MAJIN: variants seen among roughly 807,000 people sequenced by gnomAD.
MAJIN encodes the protein membrane-anchored junction protein.
A neutral mutation model predicts 30.2 loss-of-function variants in MAJIN; 27 were observed. The observed-to-expected ratio is 0.89, with a 90% CI of 0.66 to 1.23. The LOEUF (loss-of-function observed/expected upper bound fraction) is 1.23, where lower values mean the gene tolerates loss of function less well. Ranked by LOEUF, MAJIN falls within the 50% of genes most tolerant of loss-of-function variation. The pLI is 0.00. For synonymous variants in MAJIN, 78 were observed against 91.6 expected, an observed-to-expected ratio of 0.85 and a Z score of 0.85; for missense variants, 253 against 260.3, an observed-to-expected ratio of 0.97 and a Z score of 0.19.
rs1168155018 is a variant in MAJIN, at chr11:64,942,348, T to C, written c.474-1702A>G. 2.0e-5 allele frequency among the ~76,000 whole-genome samples: 3 copies of C among 152,128 alleles called. No homozygotes were observed. In the South Asian group the frequency reaches 6.2e-4, roughly 32 times the overall value. ...TGGTTACATGAATGAGTTTTTTTAA[T>C]AGTGATTTCTGAGATTTTGGTGCAC... On this transcript the variant is annotated intron_variant, in intron 8 of 10. Coordinates refer to ENST00000301896, the MANE Select transcript of MAJIN (RefSeq NM_001037225.3).
intron 8 of MAJIN, among the ~76,000 whole-genome samples, chr11:64,942,942 G>C (rs1483276888): frequency 6.6e-6 from 1 of 152,206 alleles, no homozygotes; most frequent in Non-Finnish European, 1.5e-5. Context: ...CCCTGGGACA[G>C]AGGTACAGCC....
intron 8 of MAJIN, chr11:64,946,152 C>T (rs1183274722): frequency 1.3e-6 from 2 of 1,534,778 alleles, no homozygotes; most frequent in East Asian, 2.4e-5. Flanking sequence ...CCTATCTTGG[C>T]CCTGAGGTGG....
intron 1 of MAJIN, among the ~76,000 whole-genome samples, chr11:64,967,361 A>T (rs1406501602): frequency 1.3e-5 from 2 of 152,110 alleles, no homozygotes; most frequent in Non-Finnish European, 2.9e-5. Context: ...AGCCGAGATG[A>T]TACCATTGCA....
intron 8 of MAJIN, among the ~76,000 whole-genome samples, chr11:64,941,089 C>T (rs922163555): frequency 1.3e-5 from 2 of 151,992 alleles, no homozygotes. Flanking sequence ...CTGCCTGCCT[C>T]GGCCTCCCAA....
chr11:64,957,069 AT>A lies in MAJIN; in HGVS notation c.101+2235del, dbSNP rs796423142. 4.8e-3 allele frequency among the ~76,000 whole-genome samples: 699 copies of A among 146,400 alleles called. 4 individuals carry two copies. The highest frequency in any genetic ancestry group is 0.017 in the African/African-American group (666 of 40,090). On this transcript the variant is annotated intron_variant, in intron 3 of 10. Coordinates refer to ENST00000301896, the MANE Select transcript of MAJIN (RefSeq NM_001037225.3). ...GGCGTGAGCCACCGCGCCTGGCCTG[AT>A]TTTTTTTTTCTCTCTTTTTGAAGTT...
chr11:64,963,149 A>T (rs1945754154), intron 1 of MAJIN, among the ~76,000 whole-genome samples: 1 of 152,154 alleles, frequency 6.6e-6, no homozygotes, highest in African/African-American at 2.4e-5. Flanking sequence ...AAAAAAAAGC[A>T]AATTCAAGAG....
intron 1 of MAJIN, among the ~76,000 whole-genome samples, chr11:64,962,317 A>T (rs540757690): frequency 6.6e-6 from 1 of 152,260 alleles, no homozygotes; most frequent in African/African-American, 2.4e-5. Flanking sequence ...AACACCATAC[A>T]CTAATTACCT....
At chr11:64,968,714 C>G (rs974309147) in intron 1 of MAJIN, among the ~76,000 whole-genome samples, 1 of 151,864 alleles carries the variant, frequency 6.6e-6, no homozygotes, top group African/African-American at 2.4e-5. Context: ...TGCCTGTAGT[C>G]CCAGCTACTC....
chr11:64,947,684 C>T (rs527888381), intron 7 of MAJIN, 104 bp downstream of exon 7: 9 of 1,280,236 alleles, frequency 7.0e-6, no homozygotes, highest in South Asian at 6.0e-5. Context: ...TGGACCTGGG[C>T]AGCAACTGAG....
chr11:64,956,232 G>A (rs760059425), intron 3 of MAJIN, among the ~76,000 whole-genome samples: 76 of 152,306 alleles, frequency 5.0e-4, no homozygotes, highest in Non-Finnish European at 9.0e-4. Context: ...CCGGGAGGCA[G>A]AGGTTTTGGT....
At chr11:64,967,845 C>G (rs1025399382) in intron 1 of MAJIN, among the ~76,000 whole-genome samples, 8 of 151,968 alleles carry the variant, frequency 5.3e-5, no homozygotes, top group African/African-American at 1.9e-4. Context: ...GAGCAACATT[C>G]AACATATAAA....
At chr11:64,962,498 C>T (rs1285713806) in intron 1 of MAJIN, among the ~76,000 whole-genome samples, 2 of 152,146 alleles carry the variant, frequency 1.3e-5, no homozygotes, top group Admixed American at 6.5e-5. Context: ...TCAGACTCTC[C>T]ACGCATTTTT....
intron 4 of MAJIN, chr11:64,954,419 T>C: frequency 2.4e-6 from 1 of 423,602 alleles, no homozygotes; most frequent in Non-Finnish European, 4.4e-6. Flanking sequence ...GTGGTTGGGA[T>C]GGTGAGGTTT....
At chr11:64,967,604 G>A (rs980699304) in intron 1 of MAJIN, among the ~76,000 whole-genome samples, 12 of 152,078 alleles carry the variant, frequency 7.9e-5, no homozygotes, top group Non-Finnish European at 1.5e-4. Context: ...AGGTACAAGA[G>A]TACTCAGTTG....
Sources: allele counts gnomAD v4.1 joint callset (sites outside exome capture counted in the v4.1 genomes callset), GRCh38; gene constraint gnomAD v4.1.1; transcripts MANE v1.5; gene names NCBI Gene and HGNC (gene_info 2026-07-23, HGNC 2026-07-21).